Variants in GALNS observed in about 807,000 individuals in gnomAD.
GALNS encodes N-acetylgalactosamine-6-sulfatase.
GALNS carries 65 observed loss-of-function variants against 65.9 expected under a neutral mutation model. The ratio of observed to expected loss-of-function variants is 0.99; its 90% CI spans 0.81 to 1.21. GALNS has a LOEUF of 1.21. GALNS is among the 50% of genes most tolerant of loss of function. The pLI is 0.00. For synonymous variants in GALNS, 346 were observed against 288.9 expected (o/e 1.20, Z -2.00); for missense variants, 776 against 700.7 (o/e 1.11, Z -1.21).
At chr16:88,848,688 C>G (rs1301246061) in intron 1 of GALNS, among the ~76,000 whole-genome samples, 3 of 152,062 alleles carry the variant, frequency 2.0e-5, no homozygotes, top group Non-Finnish European at 4.4e-5. Flanking sequence ...CCTGGTAAGT[C>G]AAAGAAGCAG....
rs1358507207 is a variant in GALNS at position 88,816,758 on chromosome 16, C to A, written c.1482+1249G>T. On this transcript the variant is annotated intron_variant, in intron 13 of 13. Transcript: ENST00000268695. ...CACGGCGGGCACCCAGCGGCTCCCACGCTGCAGCCGGGTCTGGCCCTGGAA... is the reference window on the plus strand; with the variant it reads ...CACGGCGGGCACCCAGCGGCTCCCAAGCTGCAGCCGGGTCTGGCCCTGGAA... 3.0e-6 allele frequency: 3 copies of A among 985,358 alleles called. No individual in the cohort carries two copies. The African/African-American group carries it at 5.2e-5, about 17-fold the overall frequency. 61.0% of individuals were successfully genotyped at this position (985,358 alleles called of 1,614,324 possible).
chr16:88,856,290 C>T (rs1010777783), intron 1 of GALNS: 9 of 702,860 alleles, frequency 1.3e-5, no homozygotes, highest in Non-Finnish European at 2.1e-5. Context: ...CCCGAGGTGG[C>T]GGGAGTGATT....
intron 3 of GALNS, 83 bp from the exon 4 acceptor site, chr16:88,841,177 C>G (rs1021320933): frequency 2.5e-5 from 26 of 1,036,220 alleles, no homozygotes; most frequent in Non-Finnish European, 3.6e-5. Flanking sequence ...CTGGGGGCTG[C>G]GTCCACACAT....
At chr16:88,848,326 A>C (rs1967347069) in intron 1 of GALNS, among the ~76,000 whole-genome samples, 1 of 152,144 alleles carries the variant, frequency 6.6e-6, no homozygotes, top group Non-Finnish European at 1.5e-5. Context: ...CCGTCTCAGT[A>C]AAGCGGCTAT....
chr16:88,834,602 C>G (rs376935584), intron 8 of GALNS, among the ~76,000 whole-genome samples: 4 of 106,000 alleles, frequency 3.8e-5, no homozygotes, highest in Middle Eastern at 6.4e-3. Flanking sequence ...GCTGTAGGGC[C>G]CCCCCCGTGT....
At chr16:88,838,720 G>A in intron 4 of GALNS, 1 of 152,428 alleles carries the variant, frequency 6.6e-6, no homozygotes, top group Non-Finnish European at 1.5e-5. Flanking sequence ...AGAACGGGCT[G>A]CAGGAGAGGT....
chr16:88,815,360 C>T (rs942617244), intron 13 of GALNS: 1 of 985,378 alleles, frequency 1.0e-6, no homozygotes, highest in African/African-American at 1.7e-5. Flanking sequence ...CCCTCTCCTG[C>T]AGCTTCAGCC....
intron 13 of GALNS, chr16:88,816,222 C>A (rs1426931463): frequency 2.0e-6 from 2 of 985,366 alleles, no homozygotes; most frequent in African/African-American, 3.5e-5. Context: ...GCGCCCACCT[C>A]CCCTGCCCTG....
In GALNS at chr16:88,814,301, G is replaced by A. The variant is rs1909404422; in HGVS notation, c.*138C>T. ...TCAGGTCCTGGGCAGGTGGAATTGT[G>A]CAGTCCCCCTGCGTCTGCAGGTGCT... is the stretch of plus-strand genomic sequence containing the variant. On this transcript the variant is annotated 3_prime_UTR_variant, in exon 14 of 14. Coordinates refer to ENST00000268695, the MANE Select transcript of GALNS (RefSeq NM_000512.5). 1 of 1,146,790 alleles carries A rather than the reference G, an allele frequency of 8.7e-7. No individual in the cohort carries two copies. The highest frequency in any genetic ancestry group is 2.0e-5 in the Admixed American group (1 of 50,344). The allele number at this position is 1,146,790 out of a possible 1,614,324, so 71.0% of individuals were successfully genotyped here.
intron 1 of GALNS, among the ~76,000 whole-genome samples, chr16:88,853,889 C>G (rs1013628883): frequency 2.0e-5 from 3 of 152,204 alleles, no homozygotes; most frequent in African/African-American, 7.2e-5. Flanking sequence ...CCCCTGAGTC[C>G]CAGCTTCCCC....
chr16:88,854,507 G>A (rs1490650979), intron 1 of GALNS, among the ~76,000 whole-genome samples: 2 of 152,332 alleles, frequency 1.3e-5, no homozygotes, highest in South Asian at 2.1e-4. Flanking sequence ...AGATGATCAG[G>A]GGCAGTCTCC....
At chr16:88,852,651 G>A (rs113618315) in intron 1 of GALNS, among the ~76,000 whole-genome samples, 3,780 of 152,242 alleles carry the variant, frequency 0.025, 48 homozygotes, top group Middle Eastern at 0.054. Context: ...AAGATGAGAC[G>A]AATGGCTAAC....
In GALNS at chr16:88,855,187, C is replaced by T. The variant is rs1458250451; in HGVS notation, c.120+1571G>A. 3 of 679,878 alleles carry T rather than the reference C, an allele frequency of 4.4e-6. No homozygotes were observed. The South Asian group carries it at 4.6e-5, about 10-fold the overall frequency. The allele number at this position is 679,878 out of a possible 1,614,324, so 42.1% of individuals were successfully genotyped here. ...TAACCAAAATATTATTTCGACAAGT[C>T]TTCAACATAAAAAATTATTCATGAG... On this transcript the variant is annotated intron_variant, in intron 1 of 13. Transcript: ENST00000268695.
chr16:88,814,661 T>G, intron 13 of GALNS, 136 bp from the exon 14 acceptor site: 5 of 1,398,796 alleles, frequency 3.6e-6, no homozygotes, highest in Non-Finnish European at 4.9e-6. Context: ...TGGCGCGATC[T>G]TGGCTCACTG....
At position 88,847,769 on chromosome 16, in the gene GALNS, G is replaced by A. The variant is rs537300574; in HGVS notation, c.121-4940C>T. On this transcript the variant is annotated intron_variant, in intron 1 of 13. Coordinates refer to ENST00000268695, the MANE Select transcript of GALNS (RefSeq NM_000512.5). ...GAGCCCTCACACACCATGTAAGAACGTGACACGCAGCACCTGGTGAGAGGT... is the reference window on the plus strand; with the variant it reads ...GAGCCCTCACACACCATGTAAGAACATGACACGCAGCACCTGGTGAGAGGT... 5.9e-5 allele frequency among the ~76,000 whole-genome samples: 9 copies of A among 152,358 alleles called. No individual in the cohort carries two copies. In the South Asian group the frequency reaches 1.0e-3, roughly 18 times the overall value.
At chr16:88,846,509 C>CTTTTT (rs59223444) in intron 1 of GALNS, among the ~76,000 whole-genome samples, 27 of 88,700 alleles carry the variant, frequency 3.0e-4, no homozygotes, top group Non-Finnish European at 4.5e-4. Flanking sequence ...GCGTTTCTGG[C>CTTTTT]TTTTTTTTTT....
rs1967720451 is a variant in GALNS at position 88,855,003 on chromosome 16, G to A, written c.120+1755C>T. The A allele has an allele frequency of 1.2e-5, 4 of 338,428 alleles. No homozygotes were observed. In the East Asian group the frequency reaches 2.5e-4, roughly 21 times the overall value. 21.0% of individuals were successfully genotyped at this position (338,428 alleles called of 1,614,324 possible). On this transcript the variant is annotated intron_variant, in intron 1 of 13. Transcript: ENST00000268695. The stretch of plus-strand genomic sequence containing the variant: ...CACCCTCCCCCACATGTGCCCCGGT[G>A]GCCACACCCCACCCCTCCACCCTGC...
intron 13 of GALNS, chr16:88,816,350 C>A (rs776874511): frequency 3.3e-5 from 33 of 985,442 alleles, no homozygotes; most frequent in Middle Eastern, 1.0e-3. Flanking sequence ...AAGGCCAGGG[C>A]TCCTCCACGG....
At chr16:88,845,952 C>T (rs1258977245) in intron 1 of GALNS, among the ~76,000 whole-genome samples, 2 of 152,076 alleles carry the variant, frequency 1.3e-5, no homozygotes, top group Non-Finnish European at 2.9e-5. Flanking sequence ...CACACCACAG[C>T]ACTCCAGCCT....
Sources: gnomAD v4.1 joint callset for allele counts (sites outside exome capture counted in the v4.1 genomes callset) on GRCh38, gnomAD v4.1.1 for gene constraint, MANE v1.5 for transcripts, NCBI Gene and HGNC (gene_info 2026-07-23, HGNC 2026-07-21) for gene names.